Variants in CPEB3 observed in about 807,000 individuals in gnomAD.
The protein encoded by CPEB3 is cytoplasmic polyadenylation element binding protein 3, also known as cytoplasmic polyadenylation element-binding protein 3.
Under a neutral mutation model 67.2 loss-of-function variants are expected in CPEB3, and 20 were observed. The observed-to-expected ratio is 0.30, with a 90% CI of 0.21 to 0.43. The LOEUF (loss-of-function observed/expected upper bound fraction) is 0.43. Ranked by LOEUF, CPEB3 falls within the 20% of genes least tolerant of loss-of-function variation. The pLI is 1.00. For missense variants in CPEB3, 746 were observed against 968.6 expected (o/e 0.77, Z 3.05); for synonymous variants, 376 against 393.1 (o/e 0.96, Z 0.51).
At chr10:92,237,803 A>G (rs949659013) in intron 2 of CPEB3, among the ~76,000 whole-genome samples, 9 of 152,334 alleles carry the variant, frequency 5.9e-5, no homozygotes, top group East Asian at 1.9e-4. Context: ...CCTTTTCTCT[A>G]TGAAATGAAT....
chr10:92,134,811 C>G (rs951950285), intron 6 of CPEB3, among the ~76,000 whole-genome samples: 4 of 151,914 alleles, frequency 2.6e-5, no homozygotes, highest in African/African-American at 9.7e-5. Flanking sequence ...GGGACCAAAA[C>G]AGATATATAG....
chr10:92,069,743 T>C (rs778526682), intron 9 of CPEB3, among the ~76,000 whole-genome samples: 3 of 152,114 alleles, frequency 2.0e-5, no homozygotes, highest in African/African-American at 7.2e-5. Flanking sequence ...AAGTCCAAAA[T>C]TGGCAAACTA....
intron 1 of CPEB3, among the ~76,000 whole-genome samples, chr10:92,290,587 C>A (rs1436496335): frequency 6.6e-6 from 1 of 152,184 alleles, no homozygotes; most frequent in African/African-American, 2.4e-5. Context: ...CTCCCCAGCC[C>A]CAAACACACA....
intron 3 of CPEB3, among the ~76,000 whole-genome samples, chr10:92,183,746 G>C (rs543078620): frequency 1.3e-5 from 2 of 152,254 alleles, no homozygotes; most frequent in African/African-American, 2.4e-5. Context: ...GGAATATTTA[G>C]AGGAGGGTGT....
At chr10:92,181,562 G>A (rs1375006091) in intron 3 of CPEB3, among the ~76,000 whole-genome samples, 1 of 152,084 alleles carries the variant, frequency 6.6e-6, no homozygotes, top group Non-Finnish European at 1.5e-5. Context: ...TAGGGTTCTG[G>A]TGGCTCTCCC....
intron 9 of CPEB3, among the ~76,000 whole-genome samples, chr10:92,079,286 A>G (rs1036705357): frequency 1.2e-4 from 18 of 152,222 alleles, no homozygotes; most frequent in Non-Finnish European, 1.2e-4. Flanking sequence ...TTTATCAAGC[A>G]TCAATGACTA....
chr10:92,201,866 T>C (rs1849542616), intron 2 of CPEB3, among the ~76,000 whole-genome samples: 1 of 152,170 alleles, frequency 6.6e-6, no homozygotes, highest in Non-Finnish European at 1.5e-5. Context: ...ATATTGTAAT[T>C]ACTTCTTTAC....
Position 92,239,272 on chromosome 10 carries a change from A to G in CPEB3, c.1005+74T>C. ...GCCCTTTTTAAATATAAGCGGGTGG[A>G]TGATTAAAAGTCAGAGAAGTGGCAA... is the stretch of plus-strand genomic sequence containing the variant. On this transcript the variant is annotated intron_variant, in intron 2 of 9. Transcript: ENST00000265997. The surrounding 1 kb of genome is among the most constrained non-coding windows in gnomAD (Gnocchi z 6.0). 6.7e-7 allele frequency: 1 copy of G among 1,490,806 alleles called. No homozygotes were observed. The highest frequency in any genetic ancestry group is 2.4e-5 in the East Asian group (1 of 41,302). The allele number at this position is 1,490,806 out of a possible 1,614,324, so 92.3% of individuals were successfully genotyped here. A position where few individuals can be genotyped will look rare whatever the true frequency, so the allele number is the denominator to read the frequency against.
chr10:92,199,546 T>C (rs924047480), intron 2 of CPEB3, among the ~76,000 whole-genome samples: 1 of 151,568 alleles, frequency 6.6e-6, no homozygotes, highest in African/African-American at 2.4e-5. Context: ...TAGCTGGGTG[T>C]GGTGGCACGC....
At chr10:92,219,305 C>G (rs1850585937) in intron 2 of CPEB3, among the ~76,000 whole-genome samples, 1 of 152,172 alleles carries the variant, frequency 6.6e-6, no homozygotes, top group African/African-American at 2.4e-5. Flanking sequence ...GCTGAAGCAT[C>G]CTTTTACCCA....
intron 2 of CPEB3, among the ~76,000 whole-genome samples, chr10:92,213,409 C>T (rs932307876): frequency 2.6e-5 from 4 of 152,082 alleles, no homozygotes; most frequent in African/African-American, 9.7e-5. Flanking sequence ...CAATGATGAT[C>T]GGTTTGAAAA....
At chr10:92,068,260 C>A (rs751114889) in intron 9 of CPEB3, among the ~76,000 whole-genome samples, 16 of 152,132 alleles carry the variant, frequency 1.1e-4, no homozygotes, top group Admixed American at 8.5e-4. Flanking sequence ...TGCTATGCTG[C>A]TTGGAAATGG....
At chr10:92,165,808 T>C (rs1395069186) in intron 4 of CPEB3, among the ~76,000 whole-genome samples, 1 of 152,130 alleles carries the variant, frequency 6.6e-6, no homozygotes, top group Non-Finnish European at 1.5e-5. Flanking sequence ...GGTTTCATCA[T>C]GAGATTATAA....
chr10:92,289,280 G>C (rs887382214), intron 1 of CPEB3, among the ~76,000 whole-genome samples: 1 of 151,264 alleles, frequency 6.6e-6, no homozygotes, highest in African/African-American at 2.4e-5. Flanking sequence ...GCTCGCCCCT[G>C]TAATCCCAGC....
intron 9 of CPEB3, among the ~76,000 whole-genome samples, chr10:92,076,525 C>T (rs920232890): frequency 5.3e-5 from 8 of 152,080 alleles, no homozygotes; most frequent in African/African-American, 1.9e-4. Context: ...CCTCCTCAGC[C>T]TCTCCCTATA....
Position 92,180,348 on chromosome 10 carries a change from T to C in CPEB3, c.1222+615A>G, listed in dbSNP as rs187217430. On this transcript the variant is annotated intron_variant, in intron 4 of 9. Coordinates refer to ENST00000265997, the MANE Select transcript of CPEB3 (RefSeq NM_014912.5). ...TGAAATACCTGGCTATCTACCACCA[T>C]GAAAAAATTCTGAGTTATGTATAAA... Among the ~76,000 whole-genome samples the C allele has an allele frequency of 3.2e-4, 49 of 152,344 alleles. No individual in the cohort carries two copies. The East Asian group carries it at 7.5e-3, about 23-fold the overall frequency.
At chr10:92,086,734 C>T (rs1020604558) in intron 8 of CPEB3, among the ~76,000 whole-genome samples, 2 of 152,122 alleles carry the variant, frequency 1.3e-5, no homozygotes, top group African/African-American at 2.4e-5. Flanking sequence ...TTAAGTTGGC[C>T]TGGTTTTATG....
At chr10:92,216,265 A>G (rs879593195) in intron 2 of CPEB3, 84 of 1,368,428 alleles carry the variant, frequency 6.1e-5, no homozygotes, top group Non-Finnish European at 8.1e-5. Context: ...GTGAAACCCC[A>G]TCTCTACTAA....
intron 7 of CPEB3, among the ~76,000 whole-genome samples, chr10:92,101,007 A>C (rs965893246): frequency 6.6e-6 from 1 of 152,206 alleles, no homozygotes; most frequent in African/African-American, 2.4e-5. Flanking sequence ...CTACCTATAC[A>C]TATCGTCAAG....
Sources: allele counts gnomAD v4.1 joint callset (sites outside exome capture counted in the v4.1 genomes callset), GRCh38; gene constraint gnomAD v4.1.1; non-coding constraint Gnocchi (gnomAD v3.1); transcripts MANE v1.5; gene names NCBI Gene and HGNC (gene_info 2026-07-23, HGNC 2026-07-21).